The following TANC2 variants were observed in gnomAD, a reference collection of about 807,000 sequenced individuals.
TANC2 encodes protein TANC2.
A neutral mutation model predicts 210.5 loss-of-function variants in TANC2; 26 were observed. The observed-to-expected ratio is 0.12, with a 90% CI of 0.09 to 0.17. TANC2 has a LOEUF of 0.17. Among genes scored for constraint, TANC2 ranks in the 10% least tolerant of loss-of-function variants. The pLI is 1.00. For synonymous variants in TANC2, 931 were observed against 967.1 expected (o/e 0.96, Z 0.69); for missense variants, 2,129 against 2,608.9 (o/e 0.82, Z 4.01).
intron 9 of TANC2, among the ~76,000 whole-genome samples, chr17:63,292,226 GAAA>G (rs369565507): frequency 1.3e-5 from 2 of 151,582 alleles, no homozygotes; most frequent in African/African-American, 4.8e-5. Flanking sequence ...AGATTGATAA[GAAA>G]AAAACAATAA....
intron 7 of TANC2, among the ~76,000 whole-genome samples, chr17:63,219,085 G>A (rs1377875541): frequency 2.0e-5 from 3 of 152,112 alleles, no homozygotes; most frequent in Admixed American, 2.0e-4. Context: ...AGTGAAAAGT[G>A]CAAAACATGC....
At chr17:63,172,193 CTTT>C (rs549414417) in intron 5 of TANC2, among the ~76,000 whole-genome samples, 2 of 131,008 alleles carry the variant, frequency 1.5e-5, no homozygotes, top group Non-Finnish European at 1.7e-5. Flanking sequence ...CTTTTCTTTT[CTTT>C]TTTTTTTTTT....
chr17:63,087,196 G>C (rs1267177959), intron 3 of TANC2, among the ~76,000 whole-genome samples: 1 of 152,182 alleles, frequency 6.6e-6, no homozygotes, highest in African/African-American at 2.4e-5. Context: ...TCCTTGCTCT[G>C]TCTCTTCCAA....
intron 6 of TANC2, 76 bp from the exon 7 acceptor site, chr17:63,200,695 A>C: frequency 7.5e-7 from 1 of 1,329,836 alleles, no homozygotes; most frequent in Non-Finnish European, 1.0e-6. Flanking sequence ...TTTTCATCAA[A>C]GCATTTATTT....
intron 2 of TANC2, among the ~76,000 whole-genome samples, chr17:63,024,552 A>G (rs2034475901): frequency 6.6e-6 from 1 of 152,036 alleles, no homozygotes; most frequent in African/African-American, 2.4e-5. Context: ...CTCCTATCTC[A>G]TTCTGTGATT....
At chr17:63,339,800 T>G (rs1272623974) in intron 11 of TANC2, among the ~76,000 whole-genome samples, 1 of 152,234 alleles carries the variant, frequency 6.6e-6, no homozygotes, top group African/African-American at 2.4e-5. Context: ...TTTTCAGACT[T>G]GCTTCCTATT....
At chr17:63,234,458 C>T (rs1450427595) in intron 7 of TANC2, among the ~76,000 whole-genome samples, 1 of 152,074 alleles carries the variant, frequency 6.6e-6, no homozygotes, top group Admixed American at 6.6e-5. Flanking sequence ...CGATTATTTT[C>T]GTTCTGATAT....
chr17:63,120,533 A>G (rs2038422045), intron 4 of TANC2, among the ~76,000 whole-genome samples: 1 of 152,134 alleles, frequency 6.6e-6, no homozygotes, highest in Non-Finnish European at 1.5e-5. Context: ...AGTCTTTTCA[A>G]GGCCAGGTGG....
At chr17:63,317,366 A>T (rs2045349421) in intron 10 of TANC2, among the ~76,000 whole-genome samples, 1 of 140,656 alleles carries the variant, frequency 7.1e-6, no homozygotes, top group Admixed American at 7.6e-5. Flanking sequence ...CAAGGCAGGC[A>T]CTAGCCTGTC....
chr17:63,133,836 A>G (rs1050620833), intron 4 of TANC2, among the ~76,000 whole-genome samples: 1 of 152,180 alleles, frequency 6.6e-6, no homozygotes, highest in African/African-American at 2.4e-5. Context: ...GAGTTTGATG[A>G]TTCCTACACA....
At chr17:63,279,765 T>C (rs2044004214) in intron 9 of TANC2, among the ~76,000 whole-genome samples, 1 of 152,126 alleles carries the variant, frequency 6.6e-6, no homozygotes, top group Non-Finnish European at 1.5e-5. Context: ...AATAAACTGA[T>C]TGTTCCCAAG....
intron 2 of TANC2, among the ~76,000 whole-genome samples, chr17:63,014,214 T>A (rs1169889394): frequency 6.6e-6 from 1 of 152,208 alleles, no homozygotes; most frequent in East Asian, 1.9e-4. Context: ...TCGTTAAAAA[T>A]TTTAAATCTT....
At position 63,067,988 on chromosome 17, in the gene TANC2, G is replaced by A. The variant is rs757562869; in HGVS notation, c.68-5955G>A. 2.6e-5 allele frequency among the ~76,000 whole-genome samples: 4 copies of A among 152,150 alleles called. No individual in the cohort carries two copies. The East Asian group carries it at 5.8e-4, about 22-fold the overall frequency. ...TGACTGAATCCTTAATAGGATAAAT[G>A]CAAAGAAATTCATACTCTATCACTA... On this transcript the variant is annotated intron_variant, in intron 2 of 27. Transcript: ENST00000689528.
chr17:63,332,487 C>A, intron 11 of TANC2: 1 of 410,612 alleles, frequency 2.4e-6, no homozygotes, highest in South Asian at 2.0e-5. Context: ...GGCACTGTTC[C>A]TTGGGCCTCC....
At chr17:63,339,930 G>A (rs1467074557) in intron 11 of TANC2, among the ~76,000 whole-genome samples, 171 bp from the exon 12 acceptor site, 1 of 152,114 alleles carries the variant, frequency 6.6e-6, no homozygotes, top group African/African-American at 2.4e-5. Flanking sequence ...CGTTTTCTGA[G>A]TTAGTAGCTT....
intron 8 of TANC2, among the ~76,000 whole-genome samples, chr17:63,254,859 T>C (rs1206996632): frequency 6.6e-6 from 1 of 152,074 alleles, no homozygotes; most frequent in Non-Finnish European, 1.5e-5. Flanking sequence ...TTTTAATGTG[T>C]TGTTGAATTT....
chr17:62,986,389 A>T (rs143755238), intron 1 of TANC2, among the ~76,000 whole-genome samples: 43 of 152,262 alleles, frequency 2.8e-4, no homozygotes, highest in African/African-American at 1.0e-3. Flanking sequence ...CATGCCCAGG[A>T]TGCAAGCACA....
intron 3 of TANC2, among the ~76,000 whole-genome samples, chr17:63,097,538 C>T (rs1370238758): frequency 2.0e-5 from 3 of 149,200 alleles, no homozygotes; most frequent in Non-Finnish European, 4.4e-5. Flanking sequence ...ACATAAAATA[C>T]ACCAACAGTA....
At chr17:63,176,534 G>A (rs768643689) in intron 5 of TANC2, among the ~76,000 whole-genome samples, 7 of 152,144 alleles carry the variant, frequency 4.6e-5, no homozygotes, top group Non-Finnish European at 7.3e-5. Flanking sequence ...GGCCGGTTGC[G>A]GTGGCTTACG....
Sources: gnomAD v4.1 joint callset for allele counts (sites outside exome capture counted in the v4.1 genomes callset) on GRCh38, gnomAD v4.1.1 for gene constraint, MANE v1.5 for transcripts, NCBI Gene and HGNC (gene_info 2026-07-23, HGNC 2026-07-21) for gene names.